The following F7 variants were observed in gnomAD, a reference collection of about 807,000 sequenced individuals.
F7 encodes the protein coagulation factor VII, also known as FVII coagulation protein.
A neutral mutation model predicts 47.5 loss-of-function variants in F7; 38 were observed. The observed-to-expected ratio is 0.80, with a 90% CI of 0.62 to 1.05. F7 has a LOEUF of 1.05. Ranked by LOEUF, F7 falls within the 50% of genes least tolerant of loss-of-function variation. The pLI, the probability that F7 is intolerant of heterozygous loss-of-function variation, is 0.00. For missense variants in F7, 575 were observed against 605.4 expected (o/e 0.95, Z 0.53); for synonymous variants, 244 against 258.5 (o/e 0.94, Z 0.54).
At chr13:113,109,245 G>T (rs377349573) in intron 1 of F7, among the ~76,000 whole-genome samples, 1 of 148,738 alleles carries the variant, frequency 6.7e-6, no homozygotes. Context: ...TGGGTGTCCC[G>T]GGGGTCGTGG....
Position 113,118,748 on chromosome 13 carries a change from C to A in F7, c.1075C>A (p.Pro359Thr). 1 of 1,613,116 alleles carries A rather than the reference C, an allele frequency of 6.2e-7. No individual in the cohort carries two copies. The highest frequency in any genetic ancestry group is 8.5e-7 in the Non-Finnish European group (1 of 1,179,952). Residue 359 changes from proline (P) to threonine (T), a missense_variant, in exon 8 of 8, where the codon CCA becomes ACA. Physicochemically the swap from Pro to Thr is conservative, Grantham distance 38. Transcript: ENST00000346342. ...GCAGTCACGGAAGGTGGGAGACTCC[C>A]CAAATATCACGGAGTACATGTTCTG... ...LQQSRKVGDS[P>T]NITEYMFCAG... is the part of the protein sequence containing the mutation.
chr13:113,117,153 A>C (rs1168258073), intron 6 of F7: 3 of 605,064 alleles, frequency 5.0e-6, no homozygotes, highest in Middle Eastern at 4.4e-4. Context: ...TTACTCTTTG[A>C]GGTGGGATCT....
intron 2 of F7, among the ~76,000 whole-genome samples, chr13:113,112,755 C>T (rs1398879990): frequency 6.7e-6 from 1 of 150,270 alleles, no homozygotes; most frequent in Admixed American, 6.6e-5. Flanking sequence ...CCACAGGACA[C>T]CTCACACTCA....
chr13:113,105,799 G>T lies in F7; in HGVS notation c.-43G>T. 1 of 1,562,736 alleles carries T rather than the reference G, an allele frequency of 6.4e-7. No homozygotes were observed. Among genetic ancestry groups the T allele is most frequent in the East Asian group, 2.3e-5 (1 of 43,370 alleles). On this transcript the variant is annotated 5_prime_UTR_variant, in exon 1 of 8. The change abolishes an upstream ATG in the 5' untranslated region. Coordinates refer to ENST00000346342, the MANE Select transcript of F7 (RefSeq NM_019616.4). ...AGAGAACTTTGCCCGTCAGTCCCATGGGGAATGTCAACAGGCAGGGGCAGC... is the reference window on the plus strand; with the variant it reads ...AGAGAACTTTGCCCGTCAGTCCCATTGGGAATGTCAACAGGCAGGGGCAGC...
intron 1 of F7, among the ~76,000 whole-genome samples, chr13:113,108,873 A>G (rs1332591171): frequency 4.6e-4 from 11 of 23,976 alleles, no homozygotes; most frequent in Admixed American, 1.0e-3. Flanking sequence ...GGTGTTCCGG[A>G]GGCGAGGGTG....
rs968474841 is a variant in F7, at chr13:113,118,478, C to T, written c.805C>T (p.Pro269Ser). Residue 269 changes from proline (P) to serine (S), a missense_variant, in exon 8 of 8, where the codon CCC becomes TCC. By Grantham distance (74) the Pro-to-Ser change is moderately conservative. Transcript: ENST00000346342. ...CCGGCGGGTGGCGCAGGTCATCATC[C>T]CCAGCACGTACGTCCCGGGCACCAC... ...QSRRVAQVII[P>S]STYVPGTTNH... 4 of 1,609,290 alleles carry T rather than the reference C, an allele frequency of 2.5e-6. No individual in the cohort carries two copies. The highest frequency in any genetic ancestry group is 1.7e-5 in the Admixed American group (1 of 59,988).
chr13:113,117,397 G>A, intron 6 of F7, 76 bp from the exon 7 acceptor site: 1 of 1,598,166 alleles, frequency 6.3e-7, no homozygotes. Context: ...AGGTTCCTTG[G>A]CATGCCCGGG....
rs745925935 is a variant in F7, at chr13:113,113,911, C to T, written c.315C>T (p.Ser105=). 6.2e-7 allele frequency: 1 copy of T among 1,614,156 alleles called. No individual in the cohort carries two copies. Among genetic ancestry groups the T allele is most frequent in the South Asian group, 1.1e-5 (1 of 91,086 alleles). Residue 105 remains serine, a synonymous_variant, in exon 4 of 8, where the codon TCC becomes TCT. Transcript: ENST00000346342. This position sits in a 1 kb window ranked among gnomAD's most constrained non-coding sequence, Gnocchi z 4.1. Reference sequence around the variant, plus strand: ...GCTCCTGCAAGGACCAGCTCCAGTCCTATATCTGCTTCTGCCTCCCTGCCT... The same window carrying T: ...GCTCCTGCAAGGACCAGCTCCAGTCTTATATCTGCTTCTGCCTCCCTGCCT... ...NGGSCKDQLQ[S]YICFCLPAFE...
chr13:113,112,679 TCA>T (rs1464044083), intron 2 of F7, among the ~76,000 whole-genome samples: 3 of 137,908 alleles, frequency 2.2e-5, no homozygotes, highest in Non-Finnish European at 4.6e-5. Flanking sequence ...AGAGGTCACC[TCA>T]CACCCACAGG....
At chr13:113,117,060 AG>A in intron 6 of F7, 185 bp downstream of exon 6, 1 of 696,422 alleles carries the variant, frequency 1.4e-6, no homozygotes, top group Non-Finnish European at 2.6e-6. Flanking sequence ...GAAGGAGAAA[AG>A]AAAACGACAC....
At position 113,112,749 on chromosome 13, in the gene F7, A is replaced by G. The variant is rs147418902; in HGVS notation, c.226-1003A>G. On this transcript the variant is annotated intron_variant, in intron 2 of 7. Coordinates refer to ENST00000346342, the MANE Select transcript of F7 (RefSeq NM_019616.4). ...CTCACAAAGGTCACCTCACACCCACAGGACACCTCACACTCATAGGTCACC... is the reference window on the plus strand; with the variant it reads ...CTCACAAAGGTCACCTCACACCCACGGGACACCTCACACTCATAGGTCACC... 4.1e-3 allele frequency among the ~76,000 whole-genome samples: 610 copies of G among 149,516 alleles called. 2 individuals are homozygous for G. The highest frequency in any genetic ancestry group is 0.015 in the Middle Eastern group (4 of 268).
rs574676444 is a variant in F7, at chr13:113,106,750, T to TG, written c.64+851dup. 797 of 1,039,126 alleles carry TG rather than the reference T, an allele frequency of 7.7e-4. 5 individuals are homozygous for TG. In the African/African-American group the frequency reaches 0.02, roughly 26 times the overall value. 64.4% of individuals were successfully genotyped at this position (1,039,126 alleles called of 1,614,324 possible). On this transcript the variant is annotated intron_variant, in intron 1 of 7. Transcript: ENST00000346342. ...GGGGATGGCGTGTGGGGATGGCGAG[T>TG]GGGGGGTGGGCTGTGAGGGACAGTG...
At chr13:113,108,569 A>T (rs76788797) in intron 1 of F7, among the ~76,000 whole-genome samples, 3 of 310 alleles carry the variant, frequency 9.7e-3, no homozygotes, top group East Asian at 0.25. Context: ...GTCCCGGGGG[A>T]GTGGGTGTCC....
At chr13:113,114,412 GA>G (rs1249366649) in intron 4 of F7, among the ~76,000 whole-genome samples, 1 of 151,918 alleles carries the variant, frequency 6.6e-6, no homozygotes, top group Non-Finnish European at 1.5e-5. Context: ...TAATTCACTA[GA>G]AGGACTCATA....
chr13:113,115,840 C>T, intron 5 of F7, 40 bp downstream of exon 5: 1 of 1,612,194 alleles, frequency 6.2e-7, no homozygotes, highest in South Asian at 1.1e-5. Flanking sequence ...TGACACCAGT[C>T]CCTGTCCCAC....
chr13:113,107,321 C>G (rs1432253575), intron 1 of F7, among the ~76,000 whole-genome samples: 2 of 95,210 alleles, frequency 2.1e-5, no homozygotes, highest in African/African-American at 8.6e-5. Flanking sequence ...GTGGGTGTCC[C>G]GGGAGTGTGG....
chr13:113,114,382 C>T (rs1595075941), intron 4 of F7, among the ~76,000 whole-genome samples: 1 of 152,040 alleles, frequency 6.6e-6, no homozygotes, highest in Admixed American at 6.6e-5. Context: ...TTTGAGGCCC[C>T]CAACCTCCCT....
intron 6 of F7, 67 bp downstream of exon 6, chr13:113,116,942 C>T (rs1261870425): frequency 3.0e-6 from 4 of 1,313,168 alleles, no homozygotes; most frequent in Admixed American, 1.7e-5. Context: ...ATGTGAACAA[C>T]AGCTCTGGAA....
Position 113,118,343 on chromosome 13 carries a change from C to G in F7, c.740-70C>G. ...CTGCAGACCTAGAAATGGCCACAGC[C>G]CATCCCCATGCACCAGGGGGTGAGG... On this transcript the variant is annotated intron_variant, in intron 7 of 7. Transcript: ENST00000346342. The G allele has an allele frequency of 2.0e-6, 3 of 1,494,724 alleles. No individual in the cohort carries two copies. In the East Asian group the frequency reaches 6.8e-5, roughly 34 times the overall value. 92.6% of individuals were successfully genotyped at this position (1,494,724 alleles called of 1,614,324 possible). A position where few individuals can be genotyped will look rare whatever the true frequency, so the allele number is the denominator to read the frequency against.
Sources: allele counts gnomAD v4.1 joint callset (sites outside exome capture counted in the v4.1 genomes callset), GRCh38; gene constraint gnomAD v4.1.1; non-coding constraint Gnocchi (gnomAD v3.1); transcripts MANE v1.5; gene names NCBI Gene and HGNC (gene_info 2026-07-23, HGNC 2026-07-21).